Variants in IQCM observed in about 807,000 individuals in gnomAD.
IQCM encodes IQ motif containing M.
IQCM carries 45 observed loss-of-function variants against 57.6 expected under a neutral mutation model. That is an observed-to-expected ratio of 0.78 (90% CI 0.62 to 1.00). IQCM has a LOEUF of 1.00. IQCM is among the 50% of genes least tolerant of loss of function. The pLI is 0.00. For missense variants in IQCM, 468 were observed against 511.6 expected, an observed-to-expected ratio of 0.91 and a Z score of 0.82; for synonymous variants, 148 against 158.9, an observed-to-expected ratio of 0.93 and a Z score of 0.51.
At chr4:149,676,150 A>G (rs1290782645) in intron 7 of IQCM, among the ~76,000 whole-genome samples, 1 of 152,096 alleles carries the variant, frequency 6.6e-6, no homozygotes, top group East Asian at 1.9e-4. Context: ...TACCAAATGT[A>G]TCAAAATAGA....
intron 13 of IQCM, among the ~76,000 whole-genome samples, chr4:149,401,619 T>G (rs181032894): frequency 1.1e-4 from 16 of 151,978 alleles, no homozygotes; most frequent in Admixed American, 1.1e-3. Context: ...GCTGTGAAGA[T>G]GACCAGAACA....
intron 7 of IQCM, among the ~76,000 whole-genome samples, chr4:149,643,757 A>C (rs1038882221): frequency 6.6e-6 from 1 of 152,182 alleles, no homozygotes; most frequent in Admixed American, 6.6e-5. Flanking sequence ...CTTGTAAAAA[A>C]CAAGTAATTG....
At chr4:149,354,890 T>C (rs763148074) in intron 13 of IQCM, among the ~76,000 whole-genome samples, 12 of 152,158 alleles carry the variant, frequency 7.9e-5, no homozygotes, top group Non-Finnish European at 1.8e-4. Context: ...GTGTTAATAA[T>C]AGGAGAATCT....
intron 9 of IQCM, among the ~76,000 whole-genome samples, chr4:149,587,432 G>A (rs1226905593): frequency 6.6e-6 from 1 of 151,386 alleles, no homozygotes; most frequent in African/African-American, 2.4e-5. Flanking sequence ...TCAATCTCAC[G>A]CTCTAATCTC....
Position 149,643,717 on chromosome 4 carries a change from TCAGTCAGGACAAGCCTTGG to T in IQCM, c.566-22492_566-22474del, listed in dbSNP as rs775438480. ...TGCCAATGGTATCCAGAGAGGCTTG[TCAGTCAGGACAAGCCTTGG>T]CAGTTAGGAGCTTGTAAAAAACAAG... On this transcript the variant is annotated intron_variant, in intron 7 of 13. Coordinates refer to ENST00000636793, the MANE Select transcript of IQCM (RefSeq NM_001363507.2). Among the ~76,000 whole-genome samples, 264 of 152,248 alleles carry T rather than the reference TCAGTCAGGACAAGCCTTGG, an allele frequency of 1.7e-3. 1 individual carries two copies. Among genetic ancestry groups the T allele is most frequent in the Admixed American group, 3.8e-3 (58 of 15,296 alleles).
At chr4:149,485,239 T>C (rs1741342977) in intron 12 of IQCM, among the ~76,000 whole-genome samples, 1 of 152,042 alleles carries the variant, frequency 6.6e-6, no homozygotes, top group Admixed American at 6.6e-5. Flanking sequence ...TATGTGAATG[T>C]TGATATCTTT....
chr4:149,629,389 G>A (rs538428142), intron 7 of IQCM, among the ~76,000 whole-genome samples: 2 of 152,192 alleles, frequency 1.3e-5, no homozygotes, highest in African/African-American at 4.8e-5. Flanking sequence ...GCTTGAACAT[G>A]TACCGAGAGA....
At chr4:149,507,528 G>C (rs1267288481) in intron 12 of IQCM, among the ~76,000 whole-genome samples, 1 of 152,162 alleles carries the variant, frequency 6.6e-6, no homozygotes, top group Admixed American at 6.5e-5. Context: ...CAAAGAGACT[G>C]GTGGCATTTT....
chr4:149,359,596 G>A (rs948888606), intron 13 of IQCM, among the ~76,000 whole-genome samples: 2 of 152,106 alleles, frequency 1.3e-5, no homozygotes, highest in South Asian at 4.1e-4. Context: ...TCAAATAATA[G>A]ATAATATGCT....
At chr4:149,479,146 AG>A (rs1740513845) in intron 12 of IQCM, among the ~76,000 whole-genome samples, 1 of 152,206 alleles carries the variant, frequency 6.6e-6, no homozygotes, top group African/African-American at 2.4e-5. Flanking sequence ...AACTTTTTAT[AG>A]GATAGCACAG....
At chr4:149,473,365 C>G (rs1051237179) in intron 12 of IQCM, among the ~76,000 whole-genome samples, 2 of 152,160 alleles carry the variant, frequency 1.3e-5, no homozygotes, top group Non-Finnish European at 2.9e-5. Flanking sequence ...CCAACAGACA[C>G]ATGAAAAAAT....
chr4:149,752,099 A>G lies in IQCM; in HGVS notation c.-48-9360T>C, dbSNP rs530822745. Among the ~76,000 whole-genome samples, 10 of 152,324 alleles carry G rather than the reference A, an allele frequency of 6.6e-5. No homozygotes were observed. The East Asian group carries it at 1.9e-3, about 29-fold the overall frequency. ...TACATGGGTGACTTTAGAAACATGA[A>G]GAGTCCCCAAGAAAGCAAATATTGT... is the stretch of plus-strand genomic sequence containing the variant. On this transcript the variant is annotated intron_variant, in intron 2 of 13. Transcript: ENST00000636793.
chr4:149,753,774 A>T (rs1768695657), intron 2 of IQCM, among the ~76,000 whole-genome samples: 2 of 135,192 alleles, frequency 1.5e-5, no homozygotes, highest in African/African-American at 5.5e-5. Context: ...AAAAAGATAT[A>T]AAGGAAAAAC....
At chr4:149,449,162 C>A (rs1736815536) in intron 12 of IQCM, among the ~76,000 whole-genome samples, 1 of 149,428 alleles carries the variant, frequency 6.7e-6, no homozygotes, top group South Asian at 2.1e-4. Context: ...GAAGGCTCCA[C>A]CAACTGTTCC....
intron 12 of IQCM, among the ~76,000 whole-genome samples, chr4:149,450,755 T>C (rs916075976): frequency 1.3e-5 from 2 of 151,858 alleles, no homozygotes; most frequent in Non-Finnish European, 2.9e-5. Flanking sequence ...TCAAACACTG[T>C]TTGTGGTAAT....
intron 5 of IQCM, 82 bp downstream of exon 5, chr4:149,733,161 AG>A: frequency 8.7e-7 from 1 of 1,152,066 alleles, no homozygotes; most frequent in Non-Finnish European, 1.1e-6. Context: ...TATTTGAAAA[AG>A]AAAATTCCAT....
At chr4:149,412,126 C>T (rs1353330168) in intron 13 of IQCM, among the ~76,000 whole-genome samples, 1 of 151,526 alleles carries the variant, frequency 6.6e-6, no homozygotes, top group Non-Finnish European at 1.5e-5. Context: ...CACTTGCTCA[C>T]CTTGCCACTC....
chr4:149,626,430 A>AATCCTTTTTTTT (rs368164851), intron 7 of IQCM, among the ~76,000 whole-genome samples: 1 of 141,296 alleles, frequency 7.1e-6, no homozygotes. Flanking sequence ...AAGACATACT[A>AATCCTTTTTTTT]TTTTGCTATC....
chr4:149,419,315 T>C (rs1401105658), intron 13 of IQCM, among the ~76,000 whole-genome samples: 3 of 151,952 alleles, frequency 2.0e-5, no homozygotes, highest in South Asian at 2.1e-4. Context: ...TGGAACATAA[T>C]AGAGAACTCA....
Sources: gnomAD v4.1 joint callset for allele counts (sites outside exome capture counted in the v4.1 genomes callset) on GRCh38, gnomAD v4.1.1 for gene constraint, MANE v1.5 for transcripts, NCBI Gene and HGNC (gene_info 2026-07-23, HGNC 2026-07-21) for gene names.